Variants in ATP2C1 observed in about 807,000 individuals in gnomAD.
ATP2C1 encodes calcium-transporting ATPase type 2C member 1.
Under a neutral mutation model 120.5 loss-of-function variants are expected in ATP2C1, and 31 were observed. The ratio of observed to expected loss-of-function variants is 0.26; its 90% confidence interval spans 0.19 to 0.35. The LOEUF (loss-of-function observed/expected upper bound fraction) is 0.35. ATP2C1 is among the 10% of genes least tolerant of loss of function. ATP2C1 has a pLI of 1.00. For missense variants in ATP2C1, 731 were observed against 1,107.5 expected (o/e 0.66, Z 4.83); for synonymous variants, 351 against 358.7 (o/e 0.98, Z 0.24).
At chr3:130,888,595 T>G (rs1480766754) in intron 1 of ATP2C1, among the ~76,000 whole-genome samples, 3 of 152,118 alleles carry the variant, frequency 2.0e-5, no homozygotes, top group African/African-American at 7.2e-5. Context: ...ATGGCTTTGC[T>G]CTCCACTGTG....
chr3:130,965,352 T>C (rs1027345202), intron 14 of ATP2C1, among the ~76,000 whole-genome samples: 2 of 152,104 alleles, frequency 1.3e-5, no homozygotes, highest in Non-Finnish European at 2.9e-5. Flanking sequence ...GCCAGCTTCT[T>C]TAAGTTACCG....
At chr3:130,883,995 G>C (rs1281360958) in intron 1 of ATP2C1, among the ~76,000 whole-genome samples, 1 of 129,282 alleles carries the variant, frequency 7.7e-6, no homozygotes, top group African/African-American at 2.9e-5. Flanking sequence ...AGGCTGGACT[G>C]CAGTGGTGTC....
At chr3:130,946,947 G>A (rs549888096) in intron 8 of ATP2C1, among the ~76,000 whole-genome samples, 1 of 152,330 alleles carries the variant, frequency 6.6e-6, no homozygotes, top group East Asian at 1.9e-4. Flanking sequence ...GGGCTTAGAA[G>A]TGAAAAAGAC....
At chr3:130,855,974 CAG>C (rs374990346) in intron 1 of ATP2C1, 2 of 151,062 alleles carry the variant, frequency 1.3e-5, no homozygotes, top group African/African-American at 4.9e-5. Context: ...CTCTCTTGAA[CAG>C]AGATTTTTTT....
intron 18 of ATP2C1, among the ~76,000 whole-genome samples, chr3:130,977,760 T>C (rs2061585825): frequency 6.6e-6 from 1 of 152,162 alleles, no homozygotes; most frequent in South Asian, 2.1e-4. Context: ...CTTCATGTCT[T>C]TTCTTCTTTA....
At chr3:130,898,375 A>G (rs891521967) in intron 2 of ATP2C1, among the ~76,000 whole-genome samples, 1 of 152,204 alleles carries the variant, frequency 6.6e-6, no homozygotes, top group Non-Finnish European at 1.5e-5. Context: ...AAATTGCATT[A>G]CTATAGTTGG....
intron 2 of ATP2C1, among the ~76,000 whole-genome samples, chr3:130,901,826 T>C (rs1379996807): frequency 6.6e-6 from 1 of 152,084 alleles, no homozygotes; most frequent in African/African-American, 2.4e-5. Context: ...TGCTGGCTTC[T>C]TCCTTCTAAG....
At chr3:130,927,262 A>T (rs2059252125) in intron 2 of ATP2C1, among the ~76,000 whole-genome samples, 2 of 148,600 alleles carry the variant, frequency 1.3e-5, no homozygotes, top group Admixed American at 6.8e-5. Context: ...TTTTTTTGAG[A>T]CAGAGTCTCG....
intron 5 of ATP2C1, among the ~76,000 whole-genome samples, chr3:130,936,358 A>G (rs1056839947): frequency 6.6e-6 from 1 of 152,216 alleles, no homozygotes; most frequent in Non-Finnish European, 1.5e-5. Context: ...GATCCATTCA[A>G]ATGCAAGATA....
At chr3:130,913,045 T>C (rs1184488859) in intron 2 of ATP2C1, among the ~76,000 whole-genome samples, 1 of 131,808 alleles carries the variant, frequency 7.6e-6, no homozygotes, top group East Asian at 2.3e-4. Context: ...TAGGTGGGAA[T>C]TGAACAATGA....
intron 7 of ATP2C1, among the ~76,000 whole-genome samples, chr3:130,941,264 GT>G (rs1559951891): frequency 1.8e-4 from 26 of 143,866 alleles, no homozygotes; most frequent in African/African-American, 6.5e-4. Context: ...GTGTGTGTGT[GT>G]CTGTGTGTGT....
At chr3:130,985,549 C>A (rs1447990029) in intron 20 of ATP2C1, among the ~76,000 whole-genome samples, 2 of 151,908 alleles carry the variant, frequency 1.3e-5, no homozygotes, top group Non-Finnish European at 1.5e-5. Context: ...GCAGGAGAAT[C>A]GCTTGAACCC....
chr3:130,942,636 C>G lies in ATP2C1; in HGVS notation c.531+937C>G, dbSNP rs187868818. ...AATCTTTCAGCAGAGGCCTTTTTTC[C>G]AAATATTTGAAATTTATCCTTAGAA... On this transcript the variant is annotated intron_variant, in intron 8 of 27. Coordinates refer to ENST00000510168, the MANE Select transcript of ATP2C1 (RefSeq NM_001378687.1). 1.1e-3 allele frequency among the ~76,000 whole-genome samples: 171 copies of G among 152,174 alleles called. 1 individual carries two copies. Among genetic ancestry groups the G allele is most frequent in the Non-Finnish European group, 1.9e-3 (132 of 67,990 alleles).
intron 2 of ATP2C1, among the ~76,000 whole-genome samples, chr3:130,913,379 A>G (rs893961379): frequency 1.3e-5 from 2 of 152,220 alleles, no homozygotes; most frequent in Non-Finnish European, 2.9e-5. Flanking sequence ...AGTTGTTGAT[A>G]AAATATTAAC....
intron 20 of ATP2C1, among the ~76,000 whole-genome samples, chr3:130,989,946 A>T (rs1204455836): frequency 6.6e-6 from 1 of 152,166 alleles, no homozygotes; most frequent in Non-Finnish European, 1.5e-5. Context: ...GAGTTTCTGA[A>T]TGGATTTTTG....
Position 131,001,633 on chromosome 3 carries a change from C to T in ATP2C1, c.*283C>T. 9.1e-7 allele frequency: 1 copy of T among 1,098,504 alleles called. No individual in the cohort carries two copies. Among genetic ancestry groups the T allele is most frequent in the Non-Finnish European group, 1.1e-6 (1 of 898,126 alleles). The allele number at this position is 1,098,504 out of a possible 1,614,324, so 68.0% of individuals were successfully genotyped here. A position where few individuals can be genotyped will look rare whatever the true frequency, so the allele number is the denominator to read the frequency against. ...AATTAAAAAGGCAAAACCTGAACCA[C>T]CTTCTGCACTTAAAGAAGTCTAACA... On this transcript the variant is annotated 3_prime_UTR_variant, in exon 28 of 28. Transcript: ENST00000510168.
chr3:130,872,741 C>T (rs1309434705), intron 1 of ATP2C1, among the ~76,000 whole-genome samples: 2 of 152,094 alleles, frequency 1.3e-5, no homozygotes, highest in Non-Finnish European at 2.9e-5. Flanking sequence ...CCTACCACCA[C>T]ACCTGGCTAA....
chr3:130,958,701 T>C (rs73869013), intron 11 of ATP2C1, among the ~76,000 whole-genome samples: 10,365 of 152,136 alleles, frequency 0.068, 1,141 homozygotes, highest in African/African-American at 0.23. Context: ...TTAATTGATT[T>C]TTAAATTTTT....
intron 1 of ATP2C1, among the ~76,000 whole-genome samples, chr3:130,883,735 A>T (rs2068862266): frequency 6.6e-6 from 1 of 151,818 alleles, no homozygotes. Flanking sequence ...GGGATCACTC[A>T]TGTGAGCTGC....
Sources: gnomAD v4.1 joint callset for allele counts (sites outside exome capture counted in the v4.1 genomes callset) on GRCh38, gnomAD v4.1.1 for gene constraint, MANE v1.5 for transcripts, NCBI Gene and HGNC (gene_info 2026-07-23, HGNC 2026-07-21) for gene names.